Variants in CD247 observed in about 807,000 individuals in gnomAD.
CD247 encodes CD247 molecule.
CD247 carries 13 observed loss-of-function variants against 30.0 expected under a neutral mutation model. The ratio of observed to expected loss-of-function variants is 0.43; its 90% CI spans 0.28 to 0.69. The LOEUF (loss-of-function observed/expected upper bound fraction) is 0.69. Ranked by LOEUF, CD247 falls within the 30% of genes least tolerant of loss-of-function variation. CD247 has a pLI of 0.16. For synonymous variants in CD247, 72 were observed against 80.0 expected (o/e 0.90, Z 0.53); for missense variants, 193 against 212.6 (o/e 0.91, Z 0.57).
At chr1:167,480,670 T>C (rs1653938365) in intron 1 of CD247, among the ~76,000 whole-genome samples, 1 of 152,256 alleles carries the variant, frequency 6.6e-6, no homozygotes, top group Middle Eastern at 3.2e-3. Context: ...TTTTAAACCC[T>C]TTTAACTCTT....
At chr1:167,466,843 CTTT>C (rs58330914) in intron 1 of CD247, among the ~76,000 whole-genome samples, 2 of 144,872 alleles carry the variant, frequency 1.4e-5, no homozygotes, top group Non-Finnish European at 3.0e-5. Flanking sequence ...TTATCCTCTT[CTTT>C]TTTTTTTTTT....
chr1:167,479,888 G>A (rs1416591212), intron 1 of CD247, among the ~76,000 whole-genome samples: 1 of 152,164 alleles, frequency 6.6e-6, no homozygotes, highest in South Asian at 2.1e-4. Flanking sequence ...ATTCTTTACT[G>A]CTTCGTGCCT....
Position 167,433,953 on chromosome 1 carries a change from C to T in CD247, c.393+67G>A, listed in dbSNP as rs530758655. ...GATGAGAAGTGGATGGGAAAGGAGG[C>T]CTGCAGCAGGCGTGTCTGGAGGACC... is the stretch of plus-strand genomic sequence containing the variant. On this transcript the variant is annotated intron_variant, in intron 6 of 7. Coordinates refer to ENST00000362089, the MANE Select transcript of CD247 (RefSeq NM_198053.3). 7 of 1,362,878 alleles carry T rather than the reference C, an allele frequency of 5.1e-6. No individual in the cohort carries two copies. The African/African-American group carries it at 1.0e-4, about 19-fold the overall frequency. The allele number at this position is 1,362,878 out of a possible 1,614,324, so 84.4% of individuals were successfully genotyped here.
intron 1 of CD247, among the ~76,000 whole-genome samples, chr1:167,511,010 C>T (rs1571603983): frequency 6.6e-6 from 1 of 152,314 alleles, no homozygotes; most frequent in Middle Eastern, 3.4e-3. Context: ...AGAAAACCAT[C>T]TTTTGCTTTG....
At chr1:167,492,587 C>T (rs921144407) in intron 1 of CD247, among the ~76,000 whole-genome samples, 3 of 152,314 alleles carry the variant, frequency 2.0e-5, no homozygotes, top group South Asian at 4.1e-4. Context: ...TTTCTGGTCA[C>T]GTAGGCTGCT....
chr1:167,498,137 G>C (rs571809013), intron 1 of CD247, among the ~76,000 whole-genome samples: 1 of 152,332 alleles, frequency 6.6e-6, no homozygotes, highest in East Asian at 1.9e-4. Context: ...GCCAAAGGCA[G>C]TGGCTTCTGT....
chr1:167,497,858 G>A (rs1654754042), intron 1 of CD247, among the ~76,000 whole-genome samples: 1 of 152,220 alleles, frequency 6.6e-6, no homozygotes, highest in Non-Finnish European at 1.5e-5. Context: ...AAACAAAGGA[G>A]TCAAGGCAAA....
chr1:167,510,359 G>C (rs1350276600), intron 1 of CD247, among the ~76,000 whole-genome samples: 1 of 152,158 alleles, frequency 6.6e-6, no homozygotes, highest in African/African-American at 2.4e-5. Flanking sequence ...ATGCCCACAG[G>C]GGGCACAGAC....
intron 1 of CD247, among the ~76,000 whole-genome samples, chr1:167,466,012 C>A (rs1571551749): frequency 6.6e-6 from 1 of 152,244 alleles, no homozygotes; most frequent in East Asian, 1.9e-4. Flanking sequence ...CCAGCTCCAA[C>A]TTTGAGAGGA....
At chr1:167,459,034 T>A (rs1652864345) in intron 1 of CD247, among the ~76,000 whole-genome samples, 1 of 151,052 alleles carries the variant, frequency 6.6e-6, no homozygotes, top group Non-Finnish European at 1.5e-5. Flanking sequence ...ACTCGGGAGG[T>A]TGAGGCACAA....
At chr1:167,510,676 G>A (rs1160449003) in intron 1 of CD247, among the ~76,000 whole-genome samples, 1 of 152,208 alleles carries the variant, frequency 6.6e-6, no homozygotes, top group African/African-American at 2.4e-5. Flanking sequence ...TTCTGTCTTG[G>A]AGCCAGTACA....
intron 1 of CD247, among the ~76,000 whole-genome samples, chr1:167,455,003 C>T (rs1166968395): frequency 6.6e-6 from 1 of 152,204 alleles, no homozygotes. Flanking sequence ...CCAAGCTCCT[C>T]CCGGAGCTCC....
chr1:167,502,299 T>C (rs1413102341), intron 1 of CD247, among the ~76,000 whole-genome samples: 2 of 152,196 alleles, frequency 1.3e-5, no homozygotes, highest in African/African-American at 4.8e-5. Context: ...TGAGCCACCC[T>C]AGAAACAACT....
intron 1 of CD247, among the ~76,000 whole-genome samples, chr1:167,516,672 T>C (rs555032209): frequency 6.6e-6 from 1 of 152,302 alleles, no homozygotes; most frequent in African/African-American, 2.4e-5. Flanking sequence ...CACTTTTGTC[T>C]ATTAGCTTTA....
At chr1:167,437,764 G>T (rs903484314) in intron 4 of CD247, among the ~76,000 whole-genome samples, 1 of 152,156 alleles carries the variant, frequency 6.6e-6, no homozygotes, top group Non-Finnish European at 1.5e-5. Context: ...GCCTCAATTA[G>T]ATAGGAAGAG....
At chr1:167,445,524 T>C (rs1050756182) in intron 1 of CD247, among the ~76,000 whole-genome samples, 6 of 114,966 alleles carry the variant, frequency 5.2e-5, no homozygotes, top group Non-Finnish European at 1.1e-4. Flanking sequence ...CGCCATCCCT[T>C]TGTAGCCTTT....
chr1:167,433,151 G>A, intron 6 of CD247, 92 bp from the exon 7 acceptor site: 10 of 1,273,832 alleles, frequency 7.9e-6, no homozygotes, highest in Non-Finnish European at 1.1e-5. Context: ...AAGGTACCCA[G>A]GAAGTCAGAG....
At chr1:167,509,931 A>C (rs1655316663) in intron 1 of CD247, among the ~76,000 whole-genome samples, 1 of 152,164 alleles carries the variant, frequency 6.6e-6, no homozygotes, top group Non-Finnish European at 1.5e-5. Context: ...CTCTGACGGG[A>C]GTCAGGCCAG....
intron 1 of CD247, among the ~76,000 whole-genome samples, chr1:167,456,931 C>T (rs755486039): frequency 2.6e-5 from 4 of 152,232 alleles, no homozygotes; most frequent in Non-Finnish European, 4.4e-5. Flanking sequence ...ATACCTAACA[C>T]GGCTGCCTGA....
Sources: gnomAD v4.1 joint callset for allele counts (sites outside exome capture counted in the v4.1 genomes callset) on GRCh38, gnomAD v4.1.1 for gene constraint, MANE v1.5 for transcripts, NCBI Gene and HGNC (gene_info 2026-07-23, HGNC 2026-07-21) for gene names.